The following CREBBP variants were observed in gnomAD, a reference collection of about 807,000 sequenced individuals.
CREBBP encodes CREB-binding protein.
In CREBBP, 19 loss-of-function variants were observed where a neutral mutation model predicts 265.0. The ratio of observed to expected loss-of-function variants is 0.07; its 90% CI spans 0.05 to 0.11. CREBBP has a LOEUF of 0.11. Ranked by LOEUF, CREBBP falls within the 10% of genes least tolerant of loss-of-function variation. CREBBP has a pLI of 1.00. For missense variants in CREBBP, 2,525 were observed against 3,219.0 expected (o/e 0.78, Z 5.22); for synonymous variants, 1,457 against 1,223.7 (o/e 1.19, Z -3.98).
intron 1 of CREBBP, among the ~76,000 whole-genome samples, chr16:3,871,947 TA>T (rs1352511813): frequency 6.6e-6 from 1 of 152,246 alleles, no homozygotes; most frequent in African/African-American, 2.4e-5. Flanking sequence ...AATGGGAAAG[TA>T]AAGTCAGATT....
chr16:3,740,367 C>A (rs1243849611), intron 24 of CREBBP, 32 bp downstream of exon 24: 2 of 1,613,472 alleles, frequency 1.2e-6, no homozygotes, highest in Non-Finnish European at 1.7e-6. Context: ...GGGGACTGCT[C>A]GCAGAGCACT....
chr16:3,817,104 T>G (rs1395793520), intron 2 of CREBBP, among the ~76,000 whole-genome samples: 1 of 152,144 alleles, frequency 6.6e-6, no homozygotes, highest in Non-Finnish European at 1.5e-5. Flanking sequence ...AGAACAGGCC[T>G]TCGGAGTTGG....
chr16:3,851,969 C>T (rs1374163836), intron 1 of CREBBP, among the ~76,000 whole-genome samples: 15 of 119,680 alleles, frequency 1.3e-4, no homozygotes, highest in Admixed American at 4.2e-4. Context: ...ACCTGGGAGG[C>T]GGAGCTTGCA....
At chr16:3,742,143 T>C (rs2052231960) in intron 23 of CREBBP, 1 of 151,500 alleles carries the variant, frequency 6.6e-6, no homozygotes, top group South Asian at 2.1e-4. Context: ...CAAAAAAAAC[T>C]CTTCCAGAGT....
At position 3,876,013 on chromosome 16, in the gene CREBBP, T is replaced by C. The variant is rs116703696; in HGVS notation, c.85+3819A>G. ...TACAGCACAGGATGAAACACAGCTATGTTCAATCTTCAGAATGTAGTTTTT... is the reference window on the plus strand; with the variant it reads ...TACAGCACAGGATGAAACACAGCTACGTTCAATCTTCAGAATGTAGTTTTT... On this transcript the variant is annotated intron_variant, in intron 1 of 30. Transcript: ENST00000262367. 9.0e-3 allele frequency among the ~76,000 whole-genome samples: 1,375 copies of C among 152,250 alleles called. 13 individuals carry two copies. The highest frequency in any genetic ancestry group is 0.031 in the African/African-American group (1,270 of 41,520).
At chr16:3,783,098 T>C (rs1328081566) in intron 5 of CREBBP, among the ~76,000 whole-genome samples, 172 bp from the exon 6 acceptor site, 2 of 152,206 alleles carry the variant, frequency 1.3e-5, no homozygotes, top group Non-Finnish European at 2.9e-5. Context: ...GAAGGACTCA[T>C]TTATTCTGCC....
At chr16:3,793,676 G>C (rs773079429) in intron 3 of CREBBP, 50 bp from the exon 4 acceptor site, 13 of 1,588,498 alleles carry the variant, frequency 8.2e-6, no homozygotes, top group Middle Eastern at 2.3e-4. Context: ...AGAGTTCCAA[G>C]TCATATTCAT....
chr16:3,843,554 G>C (rs148823519), intron 2 of CREBBP, among the ~76,000 whole-genome samples: 2 of 151,556 alleles, frequency 1.3e-5, no homozygotes, highest in African/African-American at 4.8e-5. Flanking sequence ...CTGAGTAGCT[G>C]AGACCACAGA....
Position 3,728,042 on chromosome 16 carries a change from G to A in CREBBP, c.7005C>T (p.Ile2335=), listed in dbSNP as rs751640745. The A allele has an allele frequency of 5.0e-6, 8 of 1,612,326 alleles. No homozygotes were observed. The highest frequency in any genetic ancestry group is 6.8e-6 in the Non-Finnish European group (8 of 1,178,612). ...PQASHLPGQQ[I]ATSLSNQVRS... ...GCACCTGGTTACTAAGGGACGTGGC[G>A]ATCTGCTGGCCAGGGAGATGCGAGG... Residue 2335 remains isoleucine (I), a synonymous_variant, in exon 31 of 31, where the codon ATC becomes ATT. Coordinates refer to ENST00000262367, the MANE Select transcript of CREBBP (RefSeq NM_004380.3). This position sits in a 1 kb window ranked among gnomAD's most constrained non-coding sequence, Gnocchi z 8.7.
At chr16:3,785,840 T>C (rs1463971316) in intron 5 of CREBBP, among the ~76,000 whole-genome samples, 1 of 152,198 alleles carries the variant, frequency 6.6e-6, no homozygotes, top group Non-Finnish European at 1.5e-5. Flanking sequence ...ACACCTGCAA[T>C]GCACTAACAC....
At chr16:3,823,753 C>A (rs1290228976) in intron 2 of CREBBP, among the ~76,000 whole-genome samples, 2 of 152,100 alleles carry the variant, frequency 1.3e-5, no homozygotes, top group African/African-American at 4.8e-5. Context: ...AAGCAAGAGA[C>A]TGGAGCATGA....
chr16:3,829,677 C>G (rs190844801), intron 2 of CREBBP, among the ~76,000 whole-genome samples: 97 of 152,312 alleles, frequency 6.4e-4, no homozygotes, highest in African/African-American at 2.2e-3. Flanking sequence ...TCAAACTGAT[C>G]TGAGTAATTA....
At chr16:3,824,832 T>A (rs2054207753) in intron 2 of CREBBP, among the ~76,000 whole-genome samples, 1 of 152,212 alleles carries the variant, frequency 6.6e-6, no homozygotes, top group South Asian at 2.1e-4. Context: ...CTCCTTGCAC[T>A]GTCCCCAATC....
intron 16 of CREBBP, among the ~76,000 whole-genome samples, chr16:3,760,188 C>A (rs933294941): frequency 6.6e-6 from 1 of 152,086 alleles, no homozygotes; most frequent in Admixed American, 6.6e-5. Context: ...ACCTCCCAGG[C>A]TCAAGCCATC....
At chr16:3,860,725 C>G (rs949228230) in intron 1 of CREBBP, among the ~76,000 whole-genome samples, 3 of 151,836 alleles carry the variant, frequency 2.0e-5, no homozygotes, top group African/African-American at 7.3e-5. Context: ...GGCAAAGCAT[C>G]CTGGAAAAGT....
In CREBBP at chr16:3,729,843, G is replaced by C. The variant is rs1064793090; in HGVS notation, c.5204C>G (p.Thr1735Arg). The change falls in exon 31 of 31, where the codon ACG becomes AGG. Residue 1735 changes from threonine to arginine, a missense_variant. Thr to Arg is a moderately conservative substitution (Grantham distance 71). Transcript: ENST00000262367. The stretch of plus-strand genomic sequence containing the variant: ...CACCATCTTATGGGCATGGCTCTTC[G>C]TGTTATAGCAGTTGATGCAGAGGTC... Reference protein sequence around the residue: ...DYDLCINCYNTKSHAHKMVKW... With the variant: ...DYDLCINCYNRKSHAHKMVKW... The C allele has an allele frequency of 6.2e-7, 1 of 1,603,296 alleles. No homozygotes were observed. Among genetic ancestry groups the C allele is most frequent in the Non-Finnish European group, 8.5e-7 (1 of 1,179,966 alleles).
intron 3 of CREBBP, among the ~76,000 whole-genome samples, chr16:3,803,976 C>T (rs1285651960): frequency 2.0e-5 from 3 of 151,590 alleles, no homozygotes; most frequent in South Asian, 4.2e-4. Flanking sequence ...CCAAGCTACT[C>T]GGGGGCTGAA....
At chr16:3,806,982 G>C (rs927884115) in intron 3 of CREBBP, among the ~76,000 whole-genome samples, 1 of 152,054 alleles carries the variant, frequency 6.6e-6, no homozygotes, top group African/African-American at 2.4e-5. Context: ...ATCTAAAGAG[G>C]TCCCTATGAC....
intron 6 of CREBBP, among the ~76,000 whole-genome samples, chr16:3,782,202 T>C (rs2053287792): frequency 6.6e-6 from 1 of 152,206 alleles, no homozygotes; most frequent in South Asian, 2.1e-4. Flanking sequence ...AAAGAAACCA[T>C]GACATGTCCA....
Sources: gnomAD v4.1 joint callset for allele counts (sites outside exome capture counted in the v4.1 genomes callset) on GRCh38, gnomAD v4.1.1 for gene constraint, Gnocchi (gnomAD v3.1) non-coding constraint, MANE v1.5 for transcripts, NCBI Gene and HGNC (gene_info 2026-07-23, HGNC 2026-07-21) for gene names.